The following TCERG1L variants were observed in gnomAD, a reference collection of about 807,000 sequenced individuals.
TCERG1L encodes transcription elongation regulator 1-like protein.
Under a neutral mutation model 56.3 loss-of-function variants are expected in TCERG1L, and 37 were observed. The observed-to-expected ratio is 0.66, with a 90% confidence interval of 0.51 to 0.87. The LOEUF is 0.87. Ranked by LOEUF, TCERG1L falls within the 40% of genes least tolerant of loss-of-function variation. The pLI, the probability that TCERG1L is intolerant of heterozygous loss-of-function variation, is 0.00. For synonymous variants in TCERG1L, 324 were observed against 326.3 expected (o/e 0.99, Z 0.08); for missense variants, 799 against 774.2 (o/e 1.03, Z -0.38).
chr10:131,308,348 T>C lies in TCERG1L; in HGVS notation c.533A>G (p.His178Arg), dbSNP rs1300538103. The C allele has an allele frequency of 6.2e-7, 1 of 1,614,008 alleles. No homozygotes were observed. Among genetic ancestry groups the C allele is most frequent in the Non-Finnish European group, 8.5e-7 (1 of 1,179,894 alleles). The change falls in exon 3 of 12, where the codon CAT becomes CGT. Residue 178 changes from histidine (H) to arginine (R), a missense_variant. By Grantham distance (29) the His-to-Arg change is conservative. Transcript: ENST00000368642. ...ATGGAAAAACCTTGACTCCTCAGGA[T>C]GTATCCACGTTGAGTCCAGAGCAAA... ...NSFALDSTWI[H>R]PEESRFFHGH...
intron 3 of TCERG1L, among the ~76,000 whole-genome samples, chr10:131,294,761 T>C (rs1452771486): frequency 6.6e-6 from 1 of 152,124 alleles, no homozygotes; most frequent in Non-Finnish European, 1.5e-5. Flanking sequence ...TCTTCTATTG[T>C]CCATTTTTTT....
In TCERG1L at chr10:131,231,790, G is replaced by A. The variant is rs961245459; in HGVS notation, c.856+28469C>T. On this transcript the variant is annotated intron_variant, in intron 4 of 11. Coordinates refer to ENST00000368642, the MANE Select transcript of TCERG1L (RefSeq NM_174937.4). ...ACTTCCACTTAGCAAAAAAAAGACC[G>A]GGACAGCTGAGTCTCAGGGCTCAGT... Among the ~76,000 whole-genome samples, 6 of 152,040 alleles carry A rather than the reference G, an allele frequency of 3.9e-5. No homozygotes were observed. In the South Asian group the frequency reaches 8.3e-4, roughly 21 times the overall value.
chr10:131,207,578 T>A (rs1564815933), intron 4 of TCERG1L, among the ~76,000 whole-genome samples: 1 of 152,200 alleles, frequency 6.6e-6, no homozygotes. Flanking sequence ...AACAGCTACA[T>A]CAGGTTTAAG....
intron 2 of TCERG1L, 114 bp from the exon 3 acceptor site, chr10:131,308,505 T>G (rs925203843): frequency 1.2e-6 from 1 of 832,124 alleles, no homozygotes; most frequent in Non-Finnish European, 1.9e-6. Context: ...AACATTCTAT[T>G]ATTGGGGACT....
chr10:131,279,840 T>C (rs1433861334), intron 3 of TCERG1L, among the ~76,000 whole-genome samples: 6 of 151,896 alleles, frequency 4.0e-5, no homozygotes, highest in Non-Finnish European at 8.8e-5. Flanking sequence ...AAACCACCCA[T>C]AGCTCCTCAC....
In TCERG1L at chr10:131,110,103, C is replaced by T. The variant is rs374355444; in HGVS notation, c.1396-5749G>A. ...GTCTGAGGTTCAGGAAGGGAAACTG[C>T]ACCTTCTTCACAGCCAAGGGAACTG... On this transcript the variant is annotated intron_variant, in intron 9 of 11. Transcript: ENST00000368642. 1.9e-4 allele frequency among the ~76,000 whole-genome samples: 29 copies of T among 152,298 alleles called. No individual in the cohort carries two copies. In the East Asian group the frequency reaches 4.4e-3, roughly 23 times the overall value.
chr10:131,219,539 C>A (rs143192922), intron 4 of TCERG1L, among the ~76,000 whole-genome samples: 55 of 152,302 alleles, frequency 3.6e-4, no homozygotes, highest in African/African-American at 1.3e-3. Flanking sequence ...AGTGACCGTC[C>A]ACAAAGGCCA....
chr10:131,154,059 T>G (rs1845894215), intron 6 of TCERG1L, among the ~76,000 whole-genome samples: 1 of 152,204 alleles, frequency 6.6e-6, no homozygotes, highest in South Asian at 2.1e-4. Context: ...ATGTACCATT[T>G]TATGCCCATT....
chr10:131,134,944 C>T (rs953121793), intron 7 of TCERG1L, among the ~76,000 whole-genome samples: 4 of 152,194 alleles, frequency 2.6e-5, no homozygotes, highest in African/African-American at 9.7e-5. Flanking sequence ...GTGGCCATGC[C>T]TCACTATGGA....
intron 4 of TCERG1L, among the ~76,000 whole-genome samples, chr10:131,259,134 C>T (rs1023329297): frequency 2.8e-4 from 42 of 152,126 alleles, no homozygotes; most frequent in African/African-American, 9.4e-4. Context: ...TAGCGAACGC[C>T]GAAGGTCCAT....
intron 4 of TCERG1L, among the ~76,000 whole-genome samples, chr10:131,223,076 G>A (rs915344246): frequency 5.3e-5 from 8 of 152,200 alleles, no homozygotes; most frequent in Non-Finnish European, 1.0e-4. Context: ...CTGATCAACC[G>A]GCGGGGACGA....
Position 131,278,055 on chromosome 10 carries a change from C to T in TCERG1L, c.671-17611G>A, listed in dbSNP as rs962374733. ...CCCAGCAGGCTGTGGGAGATGGAAG[C>T]GGAGGGAGGCAGGGGCTCCCGGCTC... is the stretch of plus-strand genomic sequence containing the variant. On this transcript the variant is annotated intron_variant, in intron 3 of 11. Transcript: ENST00000368642. Among the ~76,000 whole-genome samples, 3 of 152,030 alleles carry T rather than the reference C, an allele frequency of 2.0e-5. No individual in the cohort carries two copies. In the East Asian group the frequency reaches 5.9e-4, roughly 30 times the overall value.
intron 4 of TCERG1L, among the ~76,000 whole-genome samples, chr10:131,211,959 C>T (rs1469338290): frequency 6.6e-6 from 1 of 152,200 alleles, no homozygotes. Flanking sequence ...AGACACATGA[C>T]CATCCACAGA....
chr10:131,250,399 T>C (rs78819404), intron 4 of TCERG1L, among the ~76,000 whole-genome samples: 1,956 of 152,368 alleles, frequency 0.013, 109 homozygotes, highest in Admixed American at 0.087. Flanking sequence ...GCTATTTTCC[T>C]TTTCTTATTT....
At chr10:131,159,320 G>A (rs1189856413) in intron 6 of TCERG1L, among the ~76,000 whole-genome samples, 1 of 152,176 alleles carries the variant, frequency 6.6e-6, no homozygotes, top group Admixed American at 6.5e-5. Context: ...ATTTGGGCAG[G>A]GATGGGCTGT....
At chr10:131,181,794 T>C (rs1218815402) in intron 4 of TCERG1L, among the ~76,000 whole-genome samples, 1 of 152,238 alleles carries the variant, frequency 6.6e-6, no homozygotes, top group Non-Finnish European at 1.5e-5. Context: ...CACTTGTTCA[T>C]CCAGCGGGGC....
At chr10:131,177,938 C>A (rs1404474368) in intron 4 of TCERG1L, among the ~76,000 whole-genome samples, 1 of 151,784 alleles carries the variant, frequency 6.6e-6, no homozygotes, top group African/African-American at 2.4e-5. Context: ...GCTGTAGTTT[C>A]AAGTCTGTTT....
chr10:131,130,386 T>C (rs1845605497), intron 8 of TCERG1L, among the ~76,000 whole-genome samples: 1 of 152,080 alleles, frequency 6.6e-6, no homozygotes, highest in African/African-American at 2.4e-5. Context: ...CCAAACCATA[T>C]CACATAGGGA....
At chr10:131,113,013 G>T (rs886575858) in intron 9 of TCERG1L, among the ~76,000 whole-genome samples, 1 of 142,370 alleles carries the variant, frequency 7.0e-6, no homozygotes, top group African/African-American at 2.5e-5. Flanking sequence ...GGTAACTGTG[G>T]GTGAGCGTGG....
Sources: allele counts gnomAD v4.1 joint callset (sites outside exome capture counted in the v4.1 genomes callset), GRCh38; gene constraint gnomAD v4.1.1; transcripts MANE v1.5; gene names NCBI Gene and HGNC (gene_info 2026-07-23, HGNC 2026-07-21).